B4GALT6: variants seen among roughly 807,000 people sequenced by gnomAD.
The protein encoded by B4GALT6 is UDP-Gal:beta-GlcNAc beta-1,4-galactosyltransferase 6.
B4GALT6 carries 14 observed loss-of-function variants against 46.3 expected under a neutral mutation model. The observed-to-expected ratio is 0.30, with a 90% CI of 0.20 to 0.47. B4GALT6 has a LOEUF of 0.47. Among genes scored for constraint, B4GALT6 ranks in the 20% least tolerant of loss-of-function variants. B4GALT6 has a pLI of 0.99. For missense variants in B4GALT6, 386 were observed against 480.1 expected (o/e 0.80, Z 1.83); for synonymous variants, 168 against 162.0 (o/e 1.04, Z -0.28).
At chr18:31,640,274 T>C (rs923187570) in intron 4 of B4GALT6, among the ~76,000 whole-genome samples, 1 of 152,130 alleles carries the variant, frequency 6.6e-6, no homozygotes, top group Non-Finnish European at 1.5e-5. Flanking sequence ...TAAATGGAAA[T>C]AATTGAGAAT....
chr18:31,704,411 C>A, the B4GALT6 span, among the ~76,000 whole-genome samples: 1 of 151,974 alleles, frequency 6.6e-6, no homozygotes, highest in East Asian at 1.9e-4. Flanking sequence ...TGGGGTCTTA[C>A]CAGGCTGGTC....
At chr18:31,645,838 AT>A (rs1455773287) in intron 3 of B4GALT6, among the ~76,000 whole-genome samples, 4 of 152,178 alleles carry the variant, frequency 2.6e-5, no homozygotes, top group Admixed American at 2.0e-4. Context: ...ACCATTTTTA[AT>A]TTTAACATTT....
At chr18:31,635,805 C>T (rs2073850592) in intron 5 of B4GALT6, among the ~76,000 whole-genome samples, 2 of 152,030 alleles carry the variant, frequency 1.3e-5, no homozygotes, top group Admixed American at 1.3e-4. Context: ...GCGACAGAGG[C>T]AGACTCTGTC....
rs1356383734 is a variant in B4GALT6, at chr18:31,684,453, G to A, written c.-27C>T. 13 of 1,609,916 alleles carry A rather than the reference G, an allele frequency of 8.1e-6. No individual in the cohort carries two copies. Among genetic ancestry groups the A allele is most frequent in the South Asian group, 1.1e-5 (1 of 90,640 alleles). On this transcript the variant is annotated 5_prime_UTR_variant, in exon 1 of 9. Coordinates refer to ENST00000306851, the MANE Select transcript of B4GALT6 (RefSeq NM_004775.5). The stretch of plus-strand genomic sequence containing the variant: ...TTCCTCTTCCCTGCCAGCAGCCCAG[G>A]CTGCGCTCTCAGGCCGGACTCGGGG...
chr18:31,677,618 G>A (rs2074428735), intron 1 of B4GALT6, among the ~76,000 whole-genome samples: 1 of 152,172 alleles, frequency 6.6e-6, no homozygotes, highest in South Asian at 2.1e-4. Context: ...CTGAATCACT[G>A]TATTACTTGT....
intron 4 of B4GALT6, among the ~76,000 whole-genome samples, chr18:31,644,621 A>G (rs1328995543): frequency 6.6e-6 from 1 of 152,252 alleles, no homozygotes; most frequent in Admixed American, 6.5e-5. Context: ...ACGTAGTAAC[A>G]TTAGATGAAT....
chr18:31,651,053 A>T (rs1280271806), intron 3 of B4GALT6, among the ~76,000 whole-genome samples: 2 of 152,090 alleles, frequency 1.3e-5, no homozygotes, highest in Admixed American at 6.5e-5. Context: ...GGCGTGAGCC[A>T]CCGCGCCCAG....
At chr18:31,676,344 A>G (rs531388469) in intron 1 of B4GALT6, among the ~76,000 whole-genome samples, 4 of 152,182 alleles carry the variant, frequency 2.6e-5, no homozygotes, top group Non-Finnish European at 5.9e-5. Context: ...ATATTATAAA[A>G]ATGACTTTTC....
Position 31,658,300 on chromosome 18 carries a change from GCA to G in B4GALT6, c.233-213_233-212del, listed in dbSNP as rs1271931043. 1.6e-5 allele frequency: 7 copies of G among 451,378 alleles called. No individual in the cohort carries two copies. The Admixed American group carries it at 2.4e-4, about 16-fold the overall frequency. 28.0% of individuals were successfully genotyped at this position (451,378 alleles called of 1,614,324 possible). On this transcript the variant is annotated intron_variant, in intron 2 of 8. Coordinates refer to ENST00000306851, the MANE Select transcript of B4GALT6 (RefSeq NM_004775.5). ...TTTCCCAAGAGACATCTAGAGAGCAGCACACCCTTATCCTTGCACACAGACAT... is the reference window on the plus strand; with the variant it reads ...TTTCCCAAGAGACATCTAGAGAGCAGCACCCTTATCCTTGCACACAGACAT...
At chr18:31,702,044 A>G in the B4GALT6 span, among the ~76,000 whole-genome samples, 2 of 152,208 alleles carry the variant, frequency 1.3e-5, no homozygotes, top group Non-Finnish European at 2.9e-5. Flanking sequence ...CTCTCAGGGA[A>G]AAAATCATTT....
intron 5 of B4GALT6, among the ~76,000 whole-genome samples, chr18:31,632,331 T>C (rs1463654386): frequency 6.6e-6 from 1 of 152,236 alleles, no homozygotes; most frequent in Non-Finnish European, 1.5e-5. Context: ...TATAATGTTA[T>C]GACTAGTACA....
chr18:31,705,910 C>G, the B4GALT6 span, among the ~76,000 whole-genome samples: 1 of 152,194 alleles, frequency 6.6e-6, no homozygotes, highest in Non-Finnish European at 1.5e-5. Context: ...CCCAGTTCCT[C>G]AAAATACTCT....
the B4GALT6 span, among the ~76,000 whole-genome samples, chr18:31,722,599 T>C: frequency 6.6e-6 from 1 of 152,110 alleles, no homozygotes; most frequent in South Asian, 2.1e-4. Flanking sequence ...AACGTCTCTG[T>C]GACTCCCTCA....
intron 3 of B4GALT6, among the ~76,000 whole-genome samples, chr18:31,646,143 A>G (rs2073988159): frequency 6.6e-6 from 1 of 152,272 alleles, no homozygotes; most frequent in South Asian, 2.1e-4. Context: ...ATTTGCAAAC[A>G]TAATTCAAAG....
At chr18:31,631,201 T>A (rs1456832151) in intron 5 of B4GALT6, 55 bp from the exon 6 acceptor site, 12 of 611,542 alleles carry the variant, frequency 2.0e-5, no homozygotes, top group Middle Eastern at 3.5e-4. Flanking sequence ...CTTCATCATC[T>A]TTTTTTTTTT....
chr18:31,673,997 C>A (rs1321510302), intron 1 of B4GALT6, among the ~76,000 whole-genome samples: 1 of 152,160 alleles, frequency 6.6e-6, no homozygotes. Context: ...GGCCACCAGG[C>A]ACCTGAAGCT....
At chr18:31,633,689 C>T (rs1196172941) in intron 5 of B4GALT6, among the ~76,000 whole-genome samples, 1 of 152,172 alleles carries the variant, frequency 6.6e-6, no homozygotes, top group South Asian at 2.1e-4. Flanking sequence ...TCAAACACAC[C>T]AAGTATTCTC....
chr18:31,701,250 A>G, the B4GALT6 span, among the ~76,000 whole-genome samples: 3 of 152,078 alleles, frequency 2.0e-5, no homozygotes, highest in African/African-American at 7.2e-5. Context: ...AAATTATCAC[A>G]AGATCTGGTT....
intron 3 of B4GALT6, among the ~76,000 whole-genome samples, chr18:31,654,619 T>C (rs903521742): frequency 1.3e-5 from 2 of 152,234 alleles, no homozygotes; most frequent in Non-Finnish European, 2.9e-5. Flanking sequence ...AGTGTTTCCA[T>C]TGCTATACTA....
Sources: gnomAD v4.1 joint callset for allele counts (sites outside exome capture counted in the v4.1 genomes callset) on GRCh38, gnomAD v4.1.1 for gene constraint, MANE v1.5 for transcripts, NCBI Gene and HGNC (gene_info 2026-07-23, HGNC 2026-07-21) for gene names.